The following PAH variants were observed in gnomAD, a reference collection of about 807,000 sequenced individuals.
PAH encodes the protein phenylalanine hydroxylase, also known as phenylalanine-4-hydroxylase.
In PAH, 64 loss-of-function variants were observed where a neutral mutation model predicts 62.0. The observed-to-expected ratio is 1.03, with a 90% CI of 0.84 to 1.27. PAH has a LOEUF of 1.27. Ranked by LOEUF, PAH falls within the 50% of genes most tolerant of loss-of-function variation. PAH has a pLI of 0.00. For missense variants in PAH, 579 were observed against 542.8 expected (o/e 1.07, Z -0.66); for synonymous variants, 195 against 196.2 (o/e 0.99, Z 0.05).
At chr12:102,930,937 A>T (rs1314514576) in intron 1 of PAH, among the ~76,000 whole-genome samples, 2 of 152,182 alleles carry the variant, frequency 1.3e-5, no homozygotes, top group Non-Finnish European at 2.9e-5. Flanking sequence ...TATCAATAAT[A>T]AAAAAACAAA....
chr12:102,928,314 A>T (rs1386620203), intron 1 of PAH, among the ~76,000 whole-genome samples: 1 of 152,176 alleles, frequency 6.6e-6, no homozygotes, highest in Non-Finnish European at 1.5e-5. Flanking sequence ...CAATCCAATT[A>T]TACTTTTAGT....
intron 4 of PAH, 120 bp from the exon 5 acceptor site, chr12:102,866,783 T>C: frequency 2.4e-6 from 2 of 840,584 alleles, no homozygotes; most frequent in Admixed American, 3.6e-5. Flanking sequence ...CCCTTGGTTA[T>C]ACCCTAAAAC....
chr12:102,855,017 C>T, intron 6 of PAH, 119 bp downstream of exon 6: 1 of 822,622 alleles, frequency 1.2e-6, no homozygotes, highest in Non-Finnish European at 2.1e-6. Flanking sequence ...AACCTGCATG[C>T]ATTCCTACAA....
chr12:102,884,190 C>G (rs1314141550), intron 3 of PAH, among the ~76,000 whole-genome samples: 1 of 152,192 alleles, frequency 6.6e-6, no homozygotes, highest in African/African-American at 2.4e-5. Context: ...TCAGACCTAA[C>G]CATTAAGAGA....
At chr12:102,924,749 T>A (rs969415751) in intron 1 of PAH, among the ~76,000 whole-genome samples, 1 of 152,168 alleles carries the variant, frequency 6.6e-6, no homozygotes, top group Non-Finnish European at 1.5e-5. Context: ...TCAGTGTTCC[T>A]TGGCTGTGAA....
chr12:102,862,257 G>A (rs1875762032), intron 5 of PAH, among the ~76,000 whole-genome samples: 2 of 152,290 alleles, frequency 1.3e-5, no homozygotes, highest in South Asian at 4.1e-4. Context: ...GCAGGAACAT[G>A]GATGGAGCTG....
intron 3 of PAH, among the ~76,000 whole-genome samples, chr12:102,891,118 A>G (rs1877259059): frequency 6.6e-6 from 1 of 152,142 alleles, no homozygotes; most frequent in Non-Finnish European, 1.5e-5. Flanking sequence ...TTACTTTCTT[A>G]CTTCCTGGAT....
intron 1 of PAH, among the ~76,000 whole-genome samples, chr12:102,926,135 T>A (rs116781336): frequency 1.3e-5 from 2 of 151,934 alleles, no homozygotes; most frequent in African/African-American, 2.4e-5. Flanking sequence ...ATTAAATAAA[T>A]AGACAAAAAA....
chr12:102,885,744 C>T (rs1877014568), intron 3 of PAH, among the ~76,000 whole-genome samples: 1 of 152,176 alleles, frequency 6.6e-6, no homozygotes, highest in Non-Finnish European at 1.5e-5. Flanking sequence ...ATTCAATTTA[C>T]AGCAGTTCAA....
At chr12:102,895,727 T>C (rs1877469008) in intron 2 of PAH, among the ~76,000 whole-genome samples, 1 of 151,642 alleles carries the variant, frequency 6.6e-6, no homozygotes, top group Admixed American at 6.6e-5. Flanking sequence ...TGTGTGCCTG[T>C]AATCCCAATC....
intron 4 of PAH, 116 bp from the exon 5 acceptor site, chr12:102,866,779 G>T: frequency 1.2e-6 from 1 of 853,686 alleles, no homozygotes. Context: ...CCTTCCCTTG[G>T]TTATACCCTA....
intron 5 of PAH, among the ~76,000 whole-genome samples, chr12:102,864,204 G>A (rs1875849369): frequency 6.6e-6 from 1 of 152,160 alleles, no homozygotes; most frequent in Non-Finnish European, 1.5e-5. Flanking sequence ...ATTTTACATA[G>A]GGTGTAGAGA....
intron 3 of PAH, among the ~76,000 whole-genome samples, chr12:102,883,454 A>C (rs1018653496): frequency 6.6e-6 from 1 of 152,230 alleles, no homozygotes; most frequent in Non-Finnish European, 1.5e-5. Flanking sequence ...CTCCAGAGGA[A>C]AATTCTTATC....
intron 1 of PAH, among the ~76,000 whole-genome samples, chr12:102,916,850 T>A (rs1025427107): frequency 6.6e-6 from 1 of 152,130 alleles, no homozygotes; most frequent in African/African-American, 2.4e-5. Context: ...AAAGCAATGG[T>A]CATTCATTCC....
intron 1 of PAH, among the ~76,000 whole-genome samples, chr12:102,914,885 C>T: frequency 6.6e-6 from 1 of 152,188 alleles, no homozygotes; most frequent in East Asian, 1.9e-4. Context: ...CCAGAAATGC[C>T]TCTGGGCATC....
exon 1 of PAH, chr12:102,950,746 C>G (rs970898824): frequency 2.0e-5 from 3 of 152,250 alleles, no homozygotes; most frequent in Admixed American, 6.5e-5. Flanking sequence ...CCCAAGAGCT[C>G]TCAGAGGTTC....
intron 2 of PAH, among the ~76,000 whole-genome samples, chr12:102,905,280 T>C (rs1013372419): frequency 6.6e-6 from 1 of 152,176 alleles, no homozygotes; most frequent in African/African-American, 2.4e-5. Flanking sequence ...AATAGTGATC[T>C]CTTGATTTCT....
chr12:102,945,902 C>G (rs1879475671), intron 1 of PAH: 1 of 152,124 alleles, frequency 6.6e-6, no homozygotes, highest in Non-Finnish European at 1.5e-5. Context: ...TAGGAATATG[C>G]TGGGTCACAC....
chr12:102,899,858 CAAAAAAAAA>C (rs1166069532), intron 2 of PAH, among the ~76,000 whole-genome samples: 311 of 9,522 alleles, frequency 0.033, 6 homozygotes, highest in African/African-American at 0.1. Flanking sequence ...GACTCCGTCT[CAAAAAAAAA>C]AAAAAAAAAA....
Sources: allele counts gnomAD v4.1 joint callset (sites outside exome capture counted in the v4.1 genomes callset), GRCh38; gene constraint gnomAD v4.1.1; transcripts MANE v1.5; gene names NCBI Gene and HGNC (gene_info 2026-07-23, HGNC 2026-07-21).